Variants in PHF24 observed in about 807,000 individuals in gnomAD.
PHF24 encodes the protein Galpha inhibitory interacting protein.
PHF24 carries 25 observed loss-of-function variants against 42.6 expected under a neutral mutation model. That is an observed-to-expected ratio of 0.59 (90% CI 0.43 to 0.82). The LOEUF (loss-of-function observed/expected upper bound fraction) is 0.82. PHF24 is among the 40% of genes least tolerant of loss of function. The pLI is 0.00. For synonymous variants in PHF24, 185 were observed against 204.8 expected (o/e 0.90, Z 0.83); for missense variants, 470 against 538.1 (o/e 0.87, Z 1.25).
the PHF24 span, chr9:34,690,183 A>G: frequency 6.2e-7 from 1 of 1,613,152 alleles, no homozygotes; most frequent in Non-Finnish European, 8.5e-7. Context: ...ACGGGAGATG[A>G]GGCTAGACAC....
chr9:34,670,977 A>G, the PHF24 span, among the ~76,000 whole-genome samples: 484 of 152,290 alleles, frequency 3.2e-3, 3 homozygotes, highest in African/African-American at 0.011. Flanking sequence ...CCTCCCTTGG[A>G]AAGTGAAGCT....
chr9:34,690,269 G>A, the PHF24 span: 1 of 1,614,014 alleles, frequency 6.2e-7, no homozygotes, highest in Non-Finnish European at 8.5e-7. Flanking sequence ...TCCTCACGAT[G>A]TACCCAGGGA....
chr9:34,926,292 G>T, the PHF24 span, among the ~76,000 whole-genome samples: 223 of 152,256 alleles, frequency 1.5e-3, 1 homozygote, highest in Non-Finnish European at 4.1e-4. This position sits in a 1 kb window ranked among gnomAD's most constrained non-coding sequence, Gnocchi z 4.3. Context: ...ATGCCTGCCA[G>T]AAGTGGCTCA....
chr9:34,768,806 A>G, the PHF24 span, among the ~76,000 whole-genome samples: 1 of 152,200 alleles, frequency 6.6e-6, no homozygotes, highest in Non-Finnish European at 1.5e-5. Context: ...GTAAAATGAA[A>G]GTAAAACTGT....
At chr9:34,743,967 C>T in the PHF24 span, among the ~76,000 whole-genome samples, 1 of 152,158 alleles carries the variant, frequency 6.6e-6, no homozygotes, top group Admixed American at 6.5e-5. Context: ...GCTGAAATCA[C>T]TTTATAACAA....
chr9:34,681,782 G>A, the PHF24 span, among the ~76,000 whole-genome samples: 1 of 152,312 alleles, frequency 6.6e-6, no homozygotes, highest in Admixed American at 6.5e-5. Flanking sequence ...CTGTACTCCA[G>A]CCTGGGTGAC....
the PHF24 span, among the ~76,000 whole-genome samples, chr9:34,937,249 C>T: frequency 7.2e-5 from 11 of 152,250 alleles, no homozygotes; most frequent in South Asian, 4.2e-4. Flanking sequence ...GGATGGTTGC[C>T]GTGTCTGTGT....
At chr9:34,971,894 C>T in intron 2 of PHF24, among the ~76,000 whole-genome samples, 1 of 152,148 alleles carries the variant, frequency 6.6e-6, no homozygotes, top group East Asian at 1.9e-4. Flanking sequence ...GATGCTGTGG[C>T]AGGTCTTCTG....
chr9:34,708,984 T>TTAAA, the PHF24 span: 4 of 188,262 alleles, frequency 2.1e-5, no homozygotes, highest in Non-Finnish European at 3.2e-5. Context: ...TCGGTGGACA[T>TTAAA]AAACACATGG....
the PHF24 span, among the ~76,000 whole-genome samples, chr9:34,740,134 T>G: frequency 2.0e-5 from 3 of 152,226 alleles, no homozygotes; most frequent in Non-Finnish European, 4.4e-5. Context: ...ATAAAGGTTC[T>G]CCATGTCCCC....
chr9:34,958,282 G>A, upstream of PHF24: 1 of 152,306 alleles, frequency 6.6e-6, no homozygotes, highest in Non-Finnish European at 1.4e-5. This position sits in a 1 kb window ranked among gnomAD's most constrained non-coding sequence, Gnocchi z 4.5. Context: ...CTCCGCCCGC[G>A]CCGCCTGCTG....
chr9:34,899,198 C>G, the PHF24 span, among the ~76,000 whole-genome samples: 6 of 152,270 alleles, frequency 3.9e-5, no homozygotes, highest in Non-Finnish European at 7.4e-5. Context: ...GAACAGCAAA[C>G]GAGGGAGATG....
chr9:34,942,678 C>T, the PHF24 span, among the ~76,000 whole-genome samples: 8 of 152,110 alleles, frequency 5.3e-5, no homozygotes, highest in Non-Finnish European at 4.4e-5. Flanking sequence ...ATGCCTTTGT[C>T]GATGAGTTCA....
the PHF24 span, among the ~76,000 whole-genome samples, chr9:34,843,540 A>T: frequency 6.6e-6 from 1 of 152,220 alleles, no homozygotes; most frequent in African/African-American, 2.4e-5. Flanking sequence ...AATCTTTTTC[A>T]GAGCTATTTT....
At chr9:34,704,503 T>A in the PHF24 span, among the ~76,000 whole-genome samples, 1 of 145,070 alleles carries the variant, frequency 6.9e-6, no homozygotes, top group Admixed American at 6.7e-5. Flanking sequence ...GTGTGTATGT[T>A]ATCATTTTGT....
the PHF24 span, chr9:34,727,036 T>C: frequency 6.6e-7 from 1 of 1,519,968 alleles, no homozygotes; most frequent in South Asian, 1.3e-5. Flanking sequence ...ACATCTGCCT[T>C]CTTGGAAGAG....
the PHF24 span, among the ~76,000 whole-genome samples, chr9:34,748,474 G>C: frequency 6.6e-6 from 1 of 152,116 alleles, no homozygotes; most frequent in South Asian, 2.1e-4. Context: ...TCCTAGTTGT[G>C]GTGGCCACAG....
chr9:34,695,534 C>T, the PHF24 span, among the ~76,000 whole-genome samples: 4 of 152,210 alleles, frequency 2.6e-5, no homozygotes, highest in Non-Finnish European at 5.9e-5. Context: ...GCTGGTCAGT[C>T]AGAAGCATAG....
chr9:34,773,578 A>G, the PHF24 span, among the ~76,000 whole-genome samples: 4 of 152,258 alleles, frequency 2.6e-5, no homozygotes, highest in African/African-American at 7.2e-5. Context: ...ACAAGTCTAC[A>G]CTGATATAAA....
Sources: allele counts gnomAD v4.1 joint callset (sites outside exome capture counted in the v4.1 genomes callset), GRCh38; gene constraint gnomAD v4.1.1; non-coding constraint Gnocchi (gnomAD v3.1); transcripts MANE v1.5; gene names NCBI Gene and HGNC (gene_info 2026-07-23, HGNC 2026-07-21).